LACTBL1: variants seen among roughly 807,000 people sequenced by gnomAD.
LACTBL1 encodes the protein lactamase beta like 1, also known as beta-lactamase-like protein 1.
A neutral mutation model predicts 39.6 loss-of-function variants in LACTBL1; 29 were observed. The ratio of observed to expected loss-of-function variants is 0.73; its 90% CI spans 0.55 to 1.00. The LOEUF (loss-of-function observed/expected upper bound fraction) is 1.00. LACTBL1 is among the 50% of genes least tolerant of loss of function. The probability of loss-of-function intolerance (pLI) is 0.00; values close to 1 mark genes in which losing one functional copy is unlikely to be tolerated. For synonymous variants in LACTBL1, 361 were observed against 360.7 expected (o/e 1.00, Z -0.01); for missense variants, 711 against 748.5 (o/e 0.95, Z 0.59).
chr1:22,969,559 C>T (rs1225216345), upstream of LACTBL1, among the ~76,000 whole-genome samples: 1 of 152,142 alleles, frequency 6.6e-6, no homozygotes, highest in Non-Finnish European at 1.5e-5. Flanking sequence ...GCAAGAGAGA[C>T]TTTCTATGAT....
upstream of LACTBL1, chr1:22,965,404 G>T (rs910438868): frequency 1.7e-5 from 21 of 1,254,714 alleles, no homozygotes; most frequent in African/African-American, 3.3e-4. Context: ...TTCACTTTCA[G>T]CAAGTTGGGC....
intron 4 of LACTBL1, among the ~76,000 whole-genome samples, chr1:22,956,437 A>G (rs1557770128): frequency 6.6e-6 from 1 of 152,098 alleles, no homozygotes; most frequent in Non-Finnish European, 1.5e-5. Context: ...TGTGGGAGTG[A>G]CACCAACCAC....
At chr1:22,954,432 TCC>T in intron 5 of LACTBL1, among the ~76,000 whole-genome samples, 1 of 152,286 alleles carries the variant, frequency 6.6e-6, no homozygotes, top group Middle Eastern at 3.4e-3. Flanking sequence ...CCTCCCTTCT[TCC>T]AGGCTGTAGC....
intron 1 of LACTBL1, 31 bp from the exon 4 acceptor site, chr1:22,963,247 A>T (rs1172324877): frequency 8.2e-7 from 1 of 1,224,016 alleles, no homozygotes; most frequent in African/African-American, 1.6e-5. Context: ...TGAGGAGGGG[A>T]CAGAGATCAG....
At chr1:22,955,348 T>C in exon 5 of LACTBL1, 1 of 1,550,510 alleles carries the variant, frequency 6.4e-7, no homozygotes, top group Non-Finnish European at 8.7e-7. Flanking sequence ...TACCAGCACA[T>C]CGTCCTTGAG....
At chr1:22,958,843 T>C in exon 4 of LACTBL1, 5 of 1,550,624 alleles carry the variant, frequency 3.2e-6, no homozygotes, top group Non-Finnish European at 4.4e-6. Flanking sequence ...CAGAGGGTCA[T>C]CTAGGGAGGC....
exon 6 of LACTBL1, chr1:22,953,674 G>A: frequency 7.8e-7 from 1 of 1,278,730 alleles, no homozygotes; most frequent in Non-Finnish European, 9.8e-7. Context: ...GTAGGCGCCC[G>A]GGCAGGCCAG....
At position 22,959,872 on chromosome 1, in the gene LACTBL1, T is replaced by C. The variant is rs72873472; in HGVS notation, c.317+70A>G. 9.7e-4 allele frequency: 1,460 copies of C among 1,511,930 alleles called. 9 individuals are homozygous for C. In the African/African-American group the frequency reaches 0.017, roughly 18 times the overall value. The allele number at this position is 1,511,930 out of a possible 1,614,324, so 93.7% of individuals were successfully genotyped here. A position where few individuals can be genotyped will look rare whatever the true frequency, so the allele number is the denominator to read the frequency against. ...CAGCCATGATTCTCTTCAGTATCCTTACCTCCTAGGTCTCCCTTGCCCTCC... is the reference window on the plus strand; with the variant it reads ...CAGCCATGATTCTCTTCAGTATCCTCACCTCCTAGGTCTCCCTTGCCCTCC... On this transcript the variant is annotated intron_variant, in intron 3 of 5. Transcript: ENST00000426928.
chr1:22,953,807 G>C (rs1640734244), exon 6 of LACTBL1: 21 of 1,545,952 alleles, frequency 1.4e-5, no homozygotes, highest in Non-Finnish European at 1.7e-5. Flanking sequence ...CCCGACGGCC[G>C]GTACCAGCCC....
chr1:22,967,977 T>G (rs1161580869), upstream of LACTBL1, among the ~76,000 whole-genome samples: 4 of 152,202 alleles, frequency 2.6e-5, no homozygotes, highest in Non-Finnish European at 5.9e-5. Context: ...TTCATGGATC[T>G]CAGTCCCTTC....
chr1:22,964,613 G>A (rs1451987408), intron 1 of LACTBL1, among the ~76,000 whole-genome samples: 4 of 152,214 alleles, frequency 2.6e-5, no homozygotes, highest in Non-Finnish European at 5.9e-5. Context: ...GATAACTGAC[G>A]CAGACCCAAA....
At chr1:22,964,059 C>T (rs1640853702) in intron 1 of LACTBL1, among the ~76,000 whole-genome samples, 1 of 152,158 alleles carries the variant, frequency 6.6e-6, no homozygotes, top group Non-Finnish European at 1.5e-5. Context: ...GCCTCAGCCT[C>T]CCGAGTAGCT....
chr1:22,965,302 TG>T lies in LACTBL1; in HGVS notation c.36del (p.Lys13SerfsTer2). On this transcript the variant is annotated frameshift_variant, in exon 1 of 6. Transcript: ENST00000426928. LOFTEE classifies it high-confidence loss of function. ...TCTCTGCACTCACCGGTCTTCAGCT[TG>T]GGGAGGTGATACTGCCACAGGAAGC... 7.6e-7 allele frequency: 1 copy of T among 1,315,356 alleles called. No homozygotes were observed. Among genetic ancestry groups the T allele is most frequent in the Admixed American group, 3.8e-5 (1 of 26,196 alleles). 81.5% of individuals were successfully genotyped at this position (1,315,356 alleles called of 1,614,324 possible).
upstream of LACTBL1, chr1:22,965,537 C>T (rs2124239446): frequency 2.4e-6 from 1 of 415,764 alleles, no homozygotes; most frequent in African/African-American, 2.2e-5. Flanking sequence ...ATCACAAGAG[C>T]CCACAGCTTT....
intron 5 of LACTBL1, among the ~76,000 whole-genome samples, chr1:22,954,671 G>A (rs1640743925): frequency 6.6e-6 from 1 of 152,190 alleles, no homozygotes; most frequent in African/African-American, 2.4e-5. Flanking sequence ...GTTATTTGCA[G>A]AGCTGAGAGG....
intron 1 of LACTBL1, among the ~76,000 whole-genome samples, chr1:22,964,737 G>T (rs1640860022): frequency 2.6e-5 from 4 of 152,242 alleles, no homozygotes; most frequent in Admixed American, 2.6e-4. Flanking sequence ...GACCCAGGTA[G>T]GGGCTAGTGT....
At chr1:22,963,564 G>T (rs1201212921) in intron 1 of LACTBL1, among the ~76,000 whole-genome samples, 1 of 152,188 alleles carries the variant, frequency 6.6e-6, no homozygotes, top group Non-Finnish European at 1.5e-5. Context: ...ACCTGCTGTC[G>T]TCCTGATTAT....
upstream of LACTBL1, among the ~76,000 whole-genome samples, chr1:22,969,783 C>T (rs1308800011): frequency 6.6e-6 from 1 of 152,192 alleles, no homozygotes; most frequent in African/African-American, 2.4e-5. Context: ...CTTCCCCAGG[C>T]AGAGCCGCTC....
chr1:22,955,237 A>AGGTGATG (rs1640749202), intron 5 of LACTBL1, 84 bp downstream of exon 7: 1 of 1,076,252 alleles, frequency 9.3e-7, no homozygotes, highest in Admixed American at 2.1e-5. Context: ...ACCTAGGATG[A>AGGTGATG]GGTGATGTGG....
Sources: allele counts gnomAD v4.1 joint callset (sites outside exome capture counted in the v4.1 genomes callset), GRCh38; gene constraint gnomAD v4.1.1; transcripts MANE v1.5; gene names NCBI Gene and HGNC (gene_info 2026-07-23, HGNC 2026-07-21).